Variants in NOL9 observed in about 807,000 individuals in gnomAD.
The protein encoded by NOL9 is nucleolar protein 9.
A neutral mutation model predicts 67.9 loss-of-function variants in NOL9; 28 were observed. The observed-to-expected ratio is 0.41, with a 90% confidence interval of 0.31 to 0.57. The LOEUF is 0.57. Among genes scored for constraint, NOL9 ranks in the 20% least tolerant of loss-of-function variants. The pLI, the probability that NOL9 is intolerant of heterozygous loss-of-function variation, is 0.25. For missense variants in NOL9, 777 were observed against 897.0 expected (o/e 0.87, Z 1.71); for synonymous variants, 356 against 352.2 (o/e 1.01, Z -0.12).
chr1:6,549,629 G>C lies in NOL9; in HGVS notation c.686C>G (p.Thr229Ser). Residue 229 changes from threonine to serine, a missense_variant, in exon 3 of 12, where the codon ACT becomes AGT. Thr to Ser is a moderately conservative substitution (Grantham distance 58). Transcript: ENST00000377705. ...GCTGGTTATGAAGTTTACAGTGGCAGTTTTCAGATGTTCTAGCAACACAAT... is the reference window on the plus strand; with the variant it reads ...GCTGGTTATGAAGTTTACAGTGGCACTTTTCAGATGTTCTAGCAACACAAT... ...CSIVLLEHLKTATVNFITSYP... is the reference protein window; with the variant it reads ...CSIVLLEHLKSATVNFITSYP... The C allele has an allele frequency of 6.2e-7, 1 of 1,614,164 alleles. No individual in the cohort carries two copies. The highest frequency in any genetic ancestry group is 8.5e-7 in the Non-Finnish European group (1 of 1,180,004).
intron 6 of NOL9, among the ~76,000 whole-genome samples, chr1:6,535,928 CAA>C (rs35594987): frequency 5.1e-5 from 7 of 137,940 alleles, no homozygotes; most frequent in Admixed American, 1.5e-4. Context: ...AACTCCATCT[CAA>C]AAAAAAAAAA....
At chr1:6,527,639 CA>C (rs796666090) in intron 10 of NOL9, among the ~76,000 whole-genome samples, 6,934 of 28,602 alleles carry the variant, frequency 0.24, 236 homozygotes, top group African/African-American at 0.26. Flanking sequence ...CAAAACAAAA[CA>C]AAAAAAAAAC....
rs762480271 is a variant in NOL9, at chr1:6,531,957, G to C, written c.1647+11C>G. 1 of 1,602,452 alleles carries C rather than the reference G, an allele frequency of 6.2e-7. No homozygotes were observed. Among genetic ancestry groups the C allele is most frequent in the East Asian group, 2.2e-5 (1 of 44,838 alleles). On this transcript the variant is annotated intron_variant, in intron 9 of 11. Coordinates refer to ENST00000377705, the MANE Select transcript of NOL9 (RefSeq NM_024654.5). ...AAAATGAAGACAATTTCTCCTGTAA[G>C]TTCAGATTACCTGATAGGGTGTCAG... is the stretch of plus-strand genomic sequence containing the variant.
chr1:6,535,916 G>A (rs1283781304), intron 6 of NOL9, among the ~76,000 whole-genome samples: 3 of 119,518 alleles, frequency 2.5e-5, no homozygotes, highest in Admixed American at 1.0e-4. Flanking sequence ...CAGCAAGAGC[G>A]AAACTCCATC....
chr1:6,526,571 G>T, intron 11 of NOL9, 125 bp downstream of exon 11: 1 of 982,528 alleles, frequency 1.0e-6, no homozygotes, highest in Non-Finnish European at 1.5e-6. Context: ...GGCTCACTCA[G>T]GATCTACAAC....
chr1:6,551,152 C>T (rs1350705675), intron 1 of NOL9, among the ~76,000 whole-genome samples: 1 of 152,024 alleles, frequency 6.6e-6, no homozygotes, highest in Admixed American at 6.6e-5. Flanking sequence ...CCTTACAAAA[C>T]ATTTAAAAAT....
At chr1:6,533,470 G>T (rs148670877) in intron 6 of NOL9, 29 bp from the exon 7 acceptor site, 1 of 1,519,524 alleles carries the variant, frequency 6.6e-7, no homozygotes. Context: ...GTAATCAGAT[G>T]AGTAAGGTGA....
chr1:6,544,943 G>T, intron 4 of NOL9, 21 bp from the exon 5 acceptor site: 1 of 1,614,158 alleles, frequency 6.2e-7, no homozygotes, highest in Non-Finnish European at 8.5e-7. Context: ...AACAAACATT[G>T]ATCGCTAGAA....
At position 6,524,142 on chromosome 1, in the gene NOL9, T is replaced by G. The variant is rs981727318; in HGVS notation, c.*1712A>C. On this transcript the variant is annotated 3_prime_UTR_variant, in exon 12 of 12. Coordinates refer to ENST00000377705, the MANE Select transcript of NOL9 (RefSeq NM_024654.5). ...TCAATTGTCTCAAAGGTATCAAAACTAATCACCATAGCAAGGTTTCCTGTG... is the reference window on the plus strand; with the variant it reads ...TCAATTGTCTCAAAGGTATCAAAACGAATCACCATAGCAAGGTTTCCTGTG... 2 of 152,230 alleles carry G rather than the reference T, an allele frequency of 1.3e-5. No homozygotes were observed. The highest frequency in any genetic ancestry group is 2.4e-5 in the African/African-American group (1 of 41,464). The allele number at this position is 152,230 out of a possible 1,614,324, so 9.4% of individuals were successfully genotyped here.
chr1:6,553,360 C>T (rs1368223013), intron 1 of NOL9, among the ~76,000 whole-genome samples: 2 of 152,162 alleles, frequency 1.3e-5, no homozygotes, highest in Admixed American at 6.6e-5. Context: ...TCCTAGCTCT[C>T]CCTCTACTGT....
chr1:6,548,621 TA>T, intron 3 of NOL9: 1 of 369,288 alleles, frequency 2.7e-6, no homozygotes, highest in South Asian at 2.3e-5. Context: ...GAAAGCTAAA[TA>T]AAAAATGAAG....
intron 2 of NOL9, 147 bp from the exon 3 acceptor site, chr1:6,549,845 A>G (rs1557794489): frequency 1.2e-6 from 1 of 865,714 alleles, no homozygotes; most frequent in East Asian, 2.6e-5. Flanking sequence ...CGTACTACAT[A>G]CTAAGAACAC....
intron 7 of NOL9, among the ~76,000 whole-genome samples, 184 bp downstream of exon 7, chr1:6,533,096 G>C (rs1639070953): frequency 6.6e-6 from 1 of 152,198 alleles, no homozygotes; most frequent in African/African-American, 2.4e-5. Context: ...GATTGTTTGA[G>C]CCTGGGAGGC....
intron 2 of NOL9, among the ~76,000 whole-genome samples, chr1:6,550,086 C>CA (rs1639512146): frequency 6.6e-6 from 1 of 151,976 alleles, no homozygotes; most frequent in South Asian, 2.1e-4. Context: ...GGCTGGAGTG[C>CA]AGTGGCGTGA....
In NOL9 at chr1:6,529,005, C is replaced by G. The variant is rs768495701; in HGVS notation, c.1814G>C (p.Cys605Ser). ...ILLAQTPICD[C>S]LGFGICRGID... Reference sequence around the variant, plus strand: ...ACTCTCAGACTCACCAAAGCCCAAGCAGTCACAGATTGGAGTCTGGGCAAG... The same window carrying G: ...ACTCTCAGACTCACCAAAGCCCAAGGAGTCACAGATTGGAGTCTGGGCAAG... The change falls in exon 10 of 12, where the codon TGC becomes TCC. Residue 605 changes from cysteine to serine, a missense_variant. Transcript: ENST00000377705. 3.1e-6 allele frequency: 5 copies of G among 1,613,922 alleles called. No individual in the cohort carries two copies. The Admixed American group carries it at 8.3e-5, about 27-fold the overall frequency.
In NOL9 at chr1:6,541,950, AAAGAAAG is replaced by A. The variant is rs561950345; in HGVS notation, c.978-30_978-24del. The A allele has an allele frequency of 4.2e-4, 624 of 1,482,556 alleles. No homozygotes were observed. The African/African-American group carries it at 8.1e-3, about 19-fold the overall frequency. 91.8% of individuals were successfully genotyped at this position (1,482,556 alleles called of 1,614,324 possible). On this transcript the variant is annotated intron_variant, in intron 5 of 11. Transcript: ENST00000377705. ...AGACTGCAAATTTTTAAAAAAGAAA[AAAGAAAG>A]AAAATCCTAACTAGCTTTACTCAGT... is the stretch of plus-strand genomic sequence containing the variant.
intron 1 of NOL9, among the ~76,000 whole-genome samples, chr1:6,551,908 A>G (rs1366230400): frequency 1.3e-5 from 2 of 151,816 alleles, no homozygotes; most frequent in Admixed American, 1.3e-4. Context: ...GGTGGCGGGC[A>G]CCTGTAGTCC....
At chr1:6,536,407 T>C (rs1321095408) in intron 6 of NOL9, among the ~76,000 whole-genome samples, 1 of 152,096 alleles carries the variant, frequency 6.6e-6, no homozygotes, top group Non-Finnish European at 1.5e-5. Flanking sequence ...TGGCTAATAA[T>C]AGCTGTCATC....
rs1166870955 is a variant in NOL9, at chr1:6,524,298, C to A, written c.*1556G>T. The A allele has an allele frequency of 1.3e-5, 2 of 152,130 alleles. No homozygotes were observed. Among genetic ancestry groups the A allele is most frequent in the Non-Finnish European group, 2.9e-5 (2 of 68,042 alleles). The allele number at this position is 152,130 out of a possible 1,614,324, so 9.4% of individuals were successfully genotyped here. ...AAACCCACACATCCTAATAGTCTTA[C>A]AATGTGATCATGCTGGGAAGATGGA... On this transcript the variant is annotated 3_prime_UTR_variant, in exon 12 of 12. Coordinates refer to ENST00000377705, the MANE Select transcript of NOL9 (RefSeq NM_024654.5).
Sources: allele counts gnomAD v4.1 joint callset (sites outside exome capture counted in the v4.1 genomes callset), GRCh38; gene constraint gnomAD v4.1.1; transcripts MANE v1.5; gene names NCBI Gene and HGNC (gene_info 2026-07-23, HGNC 2026-07-21).